The following FANCI variants were observed in gnomAD, a reference collection of about 807,000 sequenced individuals.
The protein encoded by FANCI is FA complementation group I.
Under a neutral mutation model 176.1 loss-of-function variants are expected in FANCI, and 156 were observed. The observed-to-expected ratio is 0.89, with a 90% confidence interval of 0.78 to 1.01. FANCI has a LOEUF of 1.01. Ranked by LOEUF, FANCI falls within the 50% of genes least tolerant of loss-of-function variation. FANCI has a pLI of 0.00. For synonymous variants in FANCI, 613 were observed against 541.7 expected (o/e 1.13, Z -1.83); for missense variants, 1,678 against 1,534.1 (o/e 1.09, Z -1.57).
At chr15:89,304,632 T>C (rs1174988052) in intron 28 of FANCI, among the ~76,000 whole-genome samples, 1 of 152,218 alleles carries the variant, frequency 6.6e-6, no homozygotes, top group African/African-American at 2.4e-5. Context: ...AGAGGCATCA[T>C]TGCAGACTAG....
rs7175991 is a variant in FANCI, at chr15:89,255,890, T to G, written c.85-2814T>G. Among the ~76,000 whole-genome samples the G allele has an allele frequency of 9.2e-3, 1,398 of 152,318 alleles. 26 individuals carry two copies. The highest frequency in any genetic ancestry group is 0.031 in the African/African-American group (1,305 of 41,568). ...GAGGACAGAGTCAATAGAAGAAAAT[T>G]AACATTCGTTGAGTACTTGTCGTGT... is the stretch of plus-strand genomic sequence containing the variant. On this transcript the variant is annotated intron_variant, in intron 2 of 37. Coordinates refer to ENST00000310775, the MANE Select transcript of FANCI (RefSeq NM_001113378.2).
At chr15:89,264,653 CT>C (rs757729153) in intron 9 of FANCI, 46 bp downstream of exon 9, 675 of 1,522,168 alleles carry the variant, frequency 4.4e-4, no homozygotes, top group Non-Finnish European at 5.9e-4. Flanking sequence ...ACAAATTCAT[CT>C]TCTCATTGTG....
chr15:89,309,121 T>TGGATATAGAC (rs1262700270), intron 34 of FANCI, among the ~76,000 whole-genome samples: 60 of 152,150 alleles, frequency 3.9e-4, no homozygotes, highest in Non-Finnish European at 7.9e-4. Flanking sequence ...ATCCAGCCAG[T>TGGATATAGAC]AGTCAACTGT....
Position 89,316,313 on chromosome 15 carries a change from T to TA in FANCI, c.3925-83dup, listed in dbSNP as rs1408773727. ...ACTAACAAAGGCTTTGATGAGAAGA[T>TA]AGAGTCTTTTTTTTCCTTCTTTTTA... is the stretch of plus-strand genomic sequence containing the variant. On this transcript the variant is annotated intron_variant, in intron 37 of 37. Coordinates refer to ENST00000310775, the MANE Select transcript of FANCI (RefSeq NM_001113378.2). 3.0e-5 allele frequency: 40 copies of TA among 1,333,786 alleles called. No homozygotes were observed. In the Admixed American group the frequency reaches 4.9e-4, roughly 16 times the overall value. 82.6% of individuals were successfully genotyped at this position (1,333,786 alleles called of 1,614,324 possible).
At chr15:89,297,137 G>A (rs1309437094) in intron 24 of FANCI, among the ~76,000 whole-genome samples, 4 of 150,684 alleles carry the variant, frequency 2.7e-5, no homozygotes, top group Non-Finnish European at 4.5e-5. Context: ...GCTGCCGGGC[G>A]GCAGGGCTCC....
Position 89,268,464 on chromosome 15 carries a change from A to G in FANCI, c.821A>G (p.His274Arg). 6.2e-7 allele frequency: 1 copy of G among 1,614,170 alleles called. No individual in the cohort carries two copies. The highest frequency in any genetic ancestry group is 8.5e-7 in the Non-Finnish European group (1 of 1,180,024). The change falls in exon 10 of 38, where the codon CAC (histidine) becomes CGC (arginine). Residue 274 changes from histidine to arginine, a missense_variant. Transcript: ENST00000310775. Reference sequence around the variant, plus strand: ...CATGTGGAAGGCACCATTATTCTACACATTGTGTTTGCCATCAAATTGGAC... The same window carrying G: ...CATGTGGAAGGCACCATTATTCTACGCATTGTGTTTGCCATCAAATTGGAC... ...LRHVEGTIIL[H>R]IVFAIKLDYE...
At chr15:89,264,471 G>A (rs1319689877) in intron 8 of FANCI, 51 bp from the exon 9 acceptor site, 2 of 1,440,008 alleles carry the variant, frequency 1.4e-6, no homozygotes, top group Admixed American at 3.4e-5. Flanking sequence ...AATTCAAATT[G>A]GTTATTTTGC....
intron 3 of FANCI, 108 bp downstream of exon 3, chr15:89,258,884 GT>G (rs2052605812): frequency 1.2e-6 from 1 of 854,472 alleles, no homozygotes; most frequent in Admixed American, 1.8e-5. Context: ...CATTTTCCAT[GT>G]TTTGAGGATT....
At position 89,276,876 on chromosome 15, in the gene FANCI, G is replaced by A; in HGVS notation, c.1278G>A (p.Leu426=). The A allele has an allele frequency of 6.2e-7, 1 of 1,614,120 alleles. No individual in the cohort carries two copies. Among genetic ancestry groups the A allele is most frequent in the Non-Finnish European group, 8.5e-7 (1 of 1,180,026 alleles). Residue 426 remains leucine (L), a synonymous_variant, in exon 13 of 38, where the codon CTG becomes CTA. Coordinates refer to ENST00000310775, the MANE Select transcript of FANCI (RefSeq NM_001113378.2). ...QHACKLGANI[L]LETFKIHEMI... The stretch of plus-strand genomic sequence containing the variant: ...CATGTAAGCTCGGAGCTAATATCCT[G>A]TTGGAAACTTTTAAGGTGAGACACT...
At chr15:89,263,844 A>G in intron 7 of FANCI, 59 bp from the exon 8 acceptor site, 1 of 1,608,056 alleles carries the variant, frequency 6.2e-7, no homozygotes, top group Admixed American at 1.7e-5. Context: ...CCTGAATTGA[A>G]TTTCTGAAAA....
chr15:89,290,144 A>C, intron 18 of FANCI, 69 bp from the exon 19 acceptor site: 1 of 1,230,732 alleles, frequency 8.1e-7, no homozygotes, highest in Non-Finnish European at 1.2e-6. Context: ...TGTTATTTTT[A>C]AGTTATGATT....
chr15:89,269,558 G>T lies in FANCI; in HGVS notation c.882+1033G>T, dbSNP rs538811714. ...TGGATTTATCTGATTGTTTCCTCAC[G>T]ATTGGGTTCAAGTTAAACATTTTTG... is the stretch of plus-strand genomic sequence containing the variant. On this transcript the variant is annotated intron_variant, in intron 10 of 37. Transcript: ENST00000310775. Among the ~76,000 whole-genome samples the T allele has an allele frequency of 3.9e-5, 6 of 152,124 alleles. No individual in the cohort carries two copies. The South Asian group carries it at 1.2e-3, about 32-fold the overall frequency.
intron 34 of FANCI, among the ~76,000 whole-genome samples, chr15:89,310,657 TC>T (rs2054918734): frequency 2.6e-5 from 4 of 152,352 alleles, no homozygotes; most frequent in African/African-American, 7.2e-5. Flanking sequence ...TTCCATTAAC[TC>T]CAGCTCTTAA....
At chr15:89,284,108 A>G (rs750463425) in intron 17 of FANCI, among the ~76,000 whole-genome samples, 13 of 152,142 alleles carry the variant, frequency 8.5e-5, no homozygotes, top group Non-Finnish European at 1.6e-4. Flanking sequence ...TTGTGCCAAA[A>G]TGCTTTACAT....
intron 3 of FANCI, among the ~76,000 whole-genome samples, chr15:89,259,511 A>G (rs2052629279): frequency 6.6e-6 from 1 of 152,206 alleles, no homozygotes; most frequent in Admixed American, 6.5e-5. Flanking sequence ...GCAACTGCCT[A>G]CGTACACTAC....
chr15:89,293,822 G>GT lies in FANCI; in HGVS notation c.2292-5dup, dbSNP rs1567165544. On this transcript the variant is annotated splice_polypyrimidine_tract_variant and intron_variant, in intron 22 of 37. Coordinates refer to ENST00000310775, the MANE Select transcript of FANCI (RefSeq NM_001113378.2). ...GTTTGTCCTTAGCGGTCTCTTTTTT[G>GT]TTTTTTACAGTAAGAATAGGTTTGA... 11 of 1,611,928 alleles carry GT rather than the reference G, an allele frequency of 6.8e-6. No homozygotes were observed. The East Asian group carries it at 8.9e-5, about 13-fold the overall frequency.
At position 89,281,734 on chromosome 15, in the gene FANCI, G is replaced by A. The variant is rs566573924; in HGVS notation, c.1513-31G>A. 6 of 1,606,554 alleles carry A rather than the reference G, an allele frequency of 3.7e-6. No individual in the cohort carries two copies. In the East Asian group the frequency reaches 1.1e-4, roughly 30 times the overall value. On this transcript the variant is annotated intron_variant, in intron 15 of 37. Coordinates refer to ENST00000310775, the MANE Select transcript of FANCI (RefSeq NM_001113378.2). ...TGACCTAAGGCTAATAAGCAAACTT[G>A]TTCTGTTTTTACCCACTGATTCTTT...
rs1411317487 is a variant in FANCI at position 89,316,457 on chromosome 15, T to C, written c.3985T>C (p.Ter1329GlnextTer6). ...KEPAKKKRKK[*>Q] is the part of the protein sequence containing the mutation. ...ACCAGCCAAGAAGAAAAGGAAAAAA[T>C]AAATGAAATGCCTGAGTTAATGTGA... Residue 1329 changes from the stop codon to glutamine, a stop_lost, in exon 38 of 38, where the codon TAA (stop) becomes CAA (glutamine). Coordinates refer to ENST00000310775, the MANE Select transcript of FANCI (RefSeq NM_001113378.2). 6.2e-7 allele frequency: 1 copy of C among 1,609,074 alleles called. No homozygotes were observed. Among genetic ancestry groups the C allele is most frequent in the South Asian group, 1.1e-5 (1 of 90,308 alleles).
intron 2 of FANCI, among the ~76,000 whole-genome samples, chr15:89,249,435 C>T (rs570216088): frequency 8.5e-5 from 13 of 152,316 alleles, no homozygotes; most frequent in Admixed American, 3.9e-4. Context: ...GCAGCCTCAA[C>T]CTCCTGGGCT....
Sources: allele counts gnomAD v4.1 joint callset (sites outside exome capture counted in the v4.1 genomes callset), GRCh38; gene constraint gnomAD v4.1.1; transcripts MANE v1.5; gene names NCBI Gene and HGNC (gene_info 2026-07-23, HGNC 2026-07-21).